SATL1: variants seen among roughly 807,000 people sequenced by gnomAD.
SATL1 encodes the protein spermidine/spermine N1-acetyl transferase like 1.
In SATL1, 47 loss-of-function variants were observed where a neutral mutation model predicts 51.8. That is an observed-to-expected ratio of 0.91 (90% confidence interval 0.72 to 1.16). SATL1 has a LOEUF of 1.16. Among genes scored for constraint, SATL1 ranks in the 50% most tolerant of loss-of-function variants. The pLI is 0.00. For missense variants in SATL1, 520 were observed against 526.4 expected (o/e 0.99, Z 0.12); for synonymous variants, 176 against 182.4 (o/e 0.97, Z 0.28).
chrX:85,101,768 A>G, intron 4 of SATL1, among the ~76,000 whole-genome samples: 1 of 111,827 alleles, frequency 8.9e-6, no homozygotes, highest in Non-Finnish European at 1.9e-5. Flanking sequence ...CAAAATTTGG[A>G]AACAGTCAAA....
chrX:85,131,948 C>A (rs1039902025), intron 2 of SATL1, among the ~76,000 whole-genome samples: 21 of 111,636 alleles, frequency 1.9e-4, no homozygotes, highest in African/African-American at 6.5e-4. Flanking sequence ...GTTGAAAATT[C>A]TTTTCTTTAA....
chrX:85,099,350 G>A (rs1434597689), intron 4 of SATL1, among the ~76,000 whole-genome samples: 1 of 111,498 alleles, frequency 9.0e-6, no homozygotes, highest in Non-Finnish European at 1.9e-5. Context: ...AATACCAGTC[G>A]TTCTCTAACT....
chrX:85,092,853 A>T (rs910885619), intron 7 of SATL1: 13 of 322,662 alleles, frequency 4.0e-5, no homozygotes, highest in African/African-American at 3.4e-4. Flanking sequence ...ATACAAGAAG[A>T]TCTTGCTTTT....
intron 2 of SATL1, among the ~76,000 whole-genome samples, chrX:85,221,391 C>T (rs1042224498): frequency 1.8e-5 from 2 of 111,837 alleles, no homozygotes; most frequent in African/African-American, 3.3e-5. Flanking sequence ...ATGAGGAAAT[C>T]GAGGCTTTAG....
At chrX:85,120,240 C>G (rs1433296775) in intron 2 of SATL1, among the ~76,000 whole-genome samples, 1 of 111,230 alleles carries the variant, frequency 9.0e-6, no homozygotes, top group African/African-American at 3.3e-5. Flanking sequence ...TTTATATTCC[C>G]TTTATTTGTA....
chrX:85,231,771 G>A (rs921839862), intron 1 of SATL1, among the ~76,000 whole-genome samples: 2 of 111,965 alleles, frequency 1.8e-5, no homozygotes, highest in Non-Finnish European at 3.8e-5. Flanking sequence ...GGCCATCCCA[G>A]TACTTGGAAC....
intron 2 of SATL1, among the ~76,000 whole-genome samples, chrX:85,197,746 T>C (rs1225941458): frequency 9.5e-6 from 1 of 105,775 alleles, no homozygotes; most frequent in Non-Finnish European, 1.9e-5. Flanking sequence ...GAACATGCGG[T>C]GTTTGGTTTT....
At chrX:85,138,340 T>TC (rs59742737) in intron 2 of SATL1, among the ~76,000 whole-genome samples, 15,736 of 111,131 alleles carry the variant, frequency 0.14, 1,222 homozygotes, top group African/African-American at 0.28. Context: ...TGGTTTTGTC[T>TC]CCCCTGTTGG....
chrX:85,177,783 C>T (rs1015442035), intron 2 of SATL1, among the ~76,000 whole-genome samples: 1 of 111,564 alleles, frequency 9.0e-6, no homozygotes, highest in Non-Finnish European at 1.9e-5. Flanking sequence ...AAAGGCAGAA[C>T]CAAAACTAAT....
At chrX:85,150,516 AG>A in intron 2 of SATL1, among the ~76,000 whole-genome samples, 1 of 109,947 alleles carries the variant, frequency 9.1e-6, no homozygotes, top group South Asian at 4.1e-4. Flanking sequence ...CAACCAAAAA[AG>A]AGAATTTTAG....
intron 1 of SATL1, among the ~76,000 whole-genome samples, chrX:85,240,783 CTT>C (rs5902874): frequency 1.3e-3 from 128 of 99,879 alleles, no homozygotes; most frequent in African/African-American, 4.0e-3. Flanking sequence ...CTCCTATGTA[CTT>C]TTTTTTTTTT....
chrX:85,243,279 T>C (rs1848823488), intron 1 of SATL1, among the ~76,000 whole-genome samples: 1 of 112,674 alleles, frequency 8.9e-6, no homozygotes, highest in African/African-American at 3.2e-5. Flanking sequence ...AACATAAGAC[T>C]CTTTGCTTAC....
At chrX:85,159,953 C>T (rs1000653279) in intron 2 of SATL1, among the ~76,000 whole-genome samples, 1 of 111,324 alleles carries the variant, frequency 9.0e-6, no homozygotes, top group African/African-American at 3.3e-5. Context: ...ACCAGCAGGT[C>T]GGGAGCACAT....
intron 1 of SATL1, among the ~76,000 whole-genome samples, chrX:85,233,861 T>A (rs888609078): frequency 1.8e-5 from 2 of 111,220 alleles, no homozygotes; most frequent in African/African-American, 6.5e-5. Context: ...AAGATAGAGA[T>A]CAGGATAGAC....
intron 2 of SATL1, among the ~76,000 whole-genome samples, chrX:85,122,683 G>T (rs1487606606): frequency 9.0e-6 from 1 of 111,699 alleles, no homozygotes; most frequent in Non-Finnish European, 1.9e-5. Flanking sequence ...TAGGTTTGTG[G>T]GAGTACCTGT....
chrX:85,138,919 T>C (rs763706334), intron 2 of SATL1, among the ~76,000 whole-genome samples: 41 of 112,059 alleles, frequency 3.7e-4, no homozygotes, highest in Non-Finnish European at 6.4e-4. Context: ...AGTCCTTAAG[T>C]AGGCAAGAAG....
rs764935013 is a variant in SATL1 at position 85,108,194 on chromosome X, T to C, written c.775A>G (p.Thr259Ala). The change falls in exon 3 of 8, where the codon ACA becomes GCA. Residue 259 changes from threonine to alanine, a missense_variant. Transcript: ENST00000644105. ...NQSSLSDSNQ[T>A]GIIQPSPSLL... ...CTTGGGCTTGGCTGGATTATACCTGTTTGGTTGGAATCTGATAAACTTGAT... is the reference window on the plus strand; with the variant it reads ...CTTGGGCTTGGCTGGATTATACCTGCTTGGTTGGAATCTGATAAACTTGAT... 4 of 1,211,656 alleles carry C rather than the reference T, an allele frequency of 3.3e-6. No individual in the cohort carries two copies. Among genetic ancestry groups the C allele is most frequent in the Non-Finnish European group, 4.5e-6 (4 of 895,461 alleles).
intron 4 of SATL1, among the ~76,000 whole-genome samples, chrX:85,102,023 G>A (rs1243153016): frequency 9.2e-6 from 1 of 108,330 alleles, no homozygotes; most frequent in Non-Finnish European, 1.9e-5. Flanking sequence ...GGGGGAGGGA[G>A]GTCGGCAATG....
At chrX:85,208,351 C>G in intron 2 of SATL1, among the ~76,000 whole-genome samples, 1 of 111,206 alleles carries the variant, frequency 9.0e-6, no homozygotes, top group Non-Finnish European at 1.9e-5. Context: ...TGAATAGTGC[C>G]GCAATAAACA....
Sources: allele counts gnomAD v4.1 joint callset (sites outside exome capture counted in the v4.1 genomes callset), GRCh38; gene constraint gnomAD v4.1.1; transcripts MANE v1.5; gene names NCBI Gene and HGNC (gene_info 2026-07-23, HGNC 2026-07-21).